The following MRPS35 variants were observed in gnomAD, a reference collection of about 807,000 sequenced individuals.
MRPS35 encodes mitochondrial ribosomal protein S35, also known as small ribosomal subunit protein mS35.
A neutral mutation model predicts 32.7 loss-of-function variants in MRPS35; 29 were observed. The observed-to-expected ratio is 0.89, with a 90% CI of 0.66 to 1.21. MRPS35 has a LOEUF of 1.21. Among genes scored for constraint, MRPS35 ranks in the 50% most tolerant of loss-of-function variants. The pLI, the probability that MRPS35 is intolerant of heterozygous loss-of-function variation, is 0.00. For missense variants in MRPS35, 373 were observed against 383.8 expected, an observed-to-expected ratio of 0.97 and a Z score of 0.23; for synonymous variants, 148 against 139.3, an observed-to-expected ratio of 1.06 and a Z score of -0.44.
intron 7 of MRPS35, among the ~76,000 whole-genome samples, chr12:27,744,727 T>C (rs2061976246): frequency 1.3e-5 from 2 of 152,188 alleles, no homozygotes; most frequent in South Asian, 4.1e-4. Context: ...GTCCGAGCAT[T>C]AGTGGTTGGC....
intron 5 of MRPS35, among the ~76,000 whole-genome samples, chr12:27,733,018 A>ATC (rs2061928362): frequency 5.5e-5 from 2 of 36,634 alleles, no homozygotes; most frequent in East Asian, 2.1e-3. Context: ...ATATATATAT[A>ATC]TATATATATA....
intron 5 of MRPS35, among the ~76,000 whole-genome samples, chr12:27,724,938 A>T (rs2061893671): frequency 6.6e-6 from 1 of 152,060 alleles, no homozygotes. Context: ...TTTAATTTGA[A>T]TTTTTTTGAG....
At chr12:27,727,822 G>A (rs145653892) in intron 5 of MRPS35, among the ~76,000 whole-genome samples, 61 of 152,120 alleles carry the variant, frequency 4.0e-4, no homozygotes, top group African/African-American at 1.2e-3. Context: ...TTCCAGGAAC[G>A]CTTGTAAATT....
intron 7 of MRPS35, among the ~76,000 whole-genome samples, chr12:27,748,470 T>TGTGTGA (rs376498203): frequency 6.0e-4 from 89 of 148,376 alleles, no homozygotes; most frequent in African/African-American, 1.8e-3. Context: ...TGTGTGTGTG[T>TGTGTGA]GATCCATATT....
In MRPS35 at chr12:27,755,705, G is replaced by T; in HGVS notation, c.*255G>T. The T allele has an allele frequency of 8.0e-6, 2 of 250,942 alleles. No individual in the cohort carries two copies. Among genetic ancestry groups the T allele is most frequent in the Non-Finnish European group, 1.5e-5 (2 of 134,558 alleles). The allele number at this position is 250,942 out of a possible 1,614,324, so 15.5% of individuals were successfully genotyped here. On this transcript the variant is annotated 3_prime_UTR_variant, in exon 8 of 8. Transcript: ENST00000081029. The stretch of plus-strand genomic sequence containing the variant: ...GATTTTATTTCTACATAATAGCTTT[G>T]GTATTCATGTATATACATGCATTTA...
intron 5 of MRPS35, among the ~76,000 whole-genome samples, chr12:27,729,864 G>A (rs1298864693): frequency 1.3e-5 from 2 of 151,458 alleles, no homozygotes; most frequent in African/African-American, 4.9e-5. Context: ...TCTGCCCTAG[G>A]AACTTCTAAT....
chr12:27,720,821 TCTC>T (rs780878159), intron 4 of MRPS35, among the ~76,000 whole-genome samples: 23 of 152,160 alleles, frequency 1.5e-4, no homozygotes, highest in East Asian at 7.7e-4. Context: ...TACTTCTCCT[TCTC>T]CTTCTTTCTA....
intron 7 of MRPS35, among the ~76,000 whole-genome samples, chr12:27,752,658 C>G (rs2062010411): frequency 1.3e-5 from 2 of 152,136 alleles, no homozygotes; most frequent in African/African-American, 4.8e-5. Context: ...GTCTTGAAAC[C>G]TTTAAAACAT....
chr12:27,717,319 A>G (rs2061855013), intron 3 of MRPS35, among the ~76,000 whole-genome samples: 1 of 152,226 alleles, frequency 6.6e-6, no homozygotes, highest in Non-Finnish European at 1.5e-5. Context: ...TAAAGGTAGA[A>G]TATTATTTAG....
chr12:27,745,162 T>G (rs2061977843), intron 7 of MRPS35, among the ~76,000 whole-genome samples: 1 of 152,190 alleles, frequency 6.6e-6, no homozygotes, highest in South Asian at 2.1e-4. Context: ...TCTTTTTTCT[T>G]TTTTTTAACA....
chr12:27,725,310 T>C (rs2061895406), intron 5 of MRPS35, among the ~76,000 whole-genome samples: 1 of 152,238 alleles, frequency 6.6e-6, no homozygotes, highest in South Asian at 2.1e-4. Flanking sequence ...TGTTGATCAC[T>C]TCAAACTTAG....
At chr12:27,730,606 C>T (rs957476289) in intron 5 of MRPS35, among the ~76,000 whole-genome samples, 5 of 152,116 alleles carry the variant, frequency 3.3e-5, no homozygotes, top group African/African-American at 7.2e-5. Flanking sequence ...CAAGCCACCA[C>T]GGCTAGCTAG....
intron 6 of MRPS35, 70 bp from the exon 7 acceptor site, chr12:27,737,469 G>A: frequency 9.6e-7 from 1 of 1,040,812 alleles, no homozygotes; most frequent in Non-Finnish European, 1.5e-6. Context: ...TTAGTATATT[G>A]CATATTTTGC....
At chr12:27,714,327 C>T (rs1285240580) in intron 1 of MRPS35, among the ~76,000 whole-genome samples, 1 of 151,896 alleles carries the variant, frequency 6.6e-6, no homozygotes, top group Non-Finnish European at 1.5e-5. Context: ...GTGGCTCACA[C>T]CTGCCCACCG....
intron 6 of MRPS35, 107 bp downstream of exon 6, chr12:27,735,663 T>C (rs1201663630): frequency 1.3e-6 from 1 of 776,280 alleles, no homozygotes; most frequent in Non-Finnish European, 2.2e-6. Context: ...GGGGAGGGCG[T>C]AGCCTTTTCT....
chr12:27,751,795 A>G (rs2062005179), intron 7 of MRPS35, among the ~76,000 whole-genome samples: 1 of 152,216 alleles, frequency 6.6e-6, no homozygotes, highest in African/African-American at 2.4e-5. Context: ...TACAGACAAC[A>G]GTGGCTCAGA....
Position 27,747,525 on chromosome 12 carries a change from T to C in MRPS35, c.703-7656T>C, listed in dbSNP as rs375637387. Reference sequence around the variant, plus strand: ...ATTGACAGTAATTCTTTTTTCACTTTTTATGAATATTTGCCTCTTCGTATT... The same window carrying C: ...ATTGACAGTAATTCTTTTTTCACTTCTTATGAATATTTGCCTCTTCGTATT... On this transcript the variant is annotated intron_variant, in intron 7 of 7. Coordinates refer to ENST00000081029, the MANE Select transcript of MRPS35 (RefSeq NM_021821.4). Among the ~76,000 whole-genome samples, 107 of 152,382 alleles carry C rather than the reference T, an allele frequency of 7.0e-4. 1 individual carries two copies. The South Asian group carries it at 0.022, about 31-fold the overall frequency.
At chr12:27,744,792 AC>A (rs2140779701) in intron 7 of MRPS35, among the ~76,000 whole-genome samples, 1 of 152,324 alleles carries the variant, frequency 6.6e-6, no homozygotes, top group Non-Finnish European at 1.5e-5. Context: ...TCAGACAAAT[AC>A]ATCTGGCCTT....
chr12:27,716,174 T>A (rs983901831), intron 2 of MRPS35, 117 bp from the exon 3 acceptor site: 1 of 939,992 alleles, frequency 1.1e-6, no homozygotes, highest in East Asian at 2.8e-5. Flanking sequence ...ATTTTACATA[T>A]GTTGCAATTT....
Sources: gnomAD v4.1 joint callset for allele counts (sites outside exome capture counted in the v4.1 genomes callset) on GRCh38, gnomAD v4.1.1 for gene constraint, MANE v1.5 for transcripts, NCBI Gene and HGNC (gene_info 2026-07-23, HGNC 2026-07-21) for gene names.